Variants in PXK observed in about 807,000 individuals in gnomAD.
PXK encodes the protein PX domain-containing protein kinase-like protein.
Under a neutral mutation model 84.7 loss-of-function variants are expected in PXK, and 35 were observed. That is an observed-to-expected ratio of 0.41 (90% CI 0.32 to 0.55). PXK has a LOEUF of 0.55. Ranked by LOEUF, PXK falls within the 20% of genes least tolerant of loss-of-function variation. The pLI is 0.21. For synonymous variants in PXK, 253 were observed against 260.8 expected, an observed-to-expected ratio of 0.97 and a Z score of 0.29; for missense variants, 634 against 699.7, an observed-to-expected ratio of 0.91 and a Z score of 1.06.
At chr3:58,389,677 C>CA (rs1553789286) in intron 4 of PXK, among the ~76,000 whole-genome samples, 124 of 53,336 alleles carry the variant, frequency 2.3e-3, no homozygotes, top group South Asian at 0.017. Flanking sequence ...CAAAAACAAA[C>CA]AAAAAAAAAA....
At chr3:58,357,413 A>G (rs986665040) in intron 1 of PXK, among the ~76,000 whole-genome samples, 13 of 152,286 alleles carry the variant, frequency 8.5e-5, no homozygotes, top group African/African-American at 3.1e-4. Flanking sequence ...AATAACACAC[A>G]TGGAGCTCTC....
intron 1 of PXK, among the ~76,000 whole-genome samples, chr3:58,334,719 C>T (rs555719670): frequency 6.6e-6 from 1 of 152,298 alleles, no homozygotes; most frequent in South Asian, 2.1e-4. Context: ...AGGAGGGGCA[C>T]TTCTTCCTCA....
At position 58,407,266 on chromosome 3, in the gene PXK, G is replaced by A. The variant is rs936303774; in HGVS notation, c.1231-1658G>A. ...GCTATCCTAATGGCTGTGAGGTGAT[G>A]TCTCATTGTGGTTTTGATTTACATT... On this transcript the variant is annotated intron_variant, in intron 13 of 17. Transcript: ENST00000356151. This position sits in a 1 kb window ranked among gnomAD's most constrained non-coding sequence, Gnocchi z 4.3. Among the ~76,000 whole-genome samples the A allele has an allele frequency of 1.3e-5, 2 of 152,154 alleles. No individual in the cohort carries two copies. Among genetic ancestry groups the A allele is most frequent in the South Asian group, 2.1e-4 (1 of 4,828 alleles).
At position 58,410,134 on chromosome 3, in the gene PXK, G is replaced by A. The variant is rs771832106; in HGVS notation, c.1440G>A (p.Ala480=). ...TTGAAAATAGTGAAGAGCATTCAGC[G>A]AAGTACAGCAACTCCAATAATTCAG... ...SALENSEEHS[A]KYSNSNNSAG... is the part of the protein sequence containing the mutation. The change falls in exon 16 of 18, where the codon GCG becomes GCA. Residue 480 remains alanine, a synonymous_variant. Transcript: ENST00000356151. 241 of 1,600,710 alleles carry A rather than the reference G, an allele frequency of 1.5e-4. 1 individual carries two copies. Among genetic ancestry groups the A allele is most frequent in the Non-Finnish European group, 2.0e-4 (232 of 1,167,846 alleles).
intron 4 of PXK, among the ~76,000 whole-genome samples, chr3:58,389,769 G>A (rs1375396247): frequency 6.6e-6 from 1 of 151,890 alleles, no homozygotes; most frequent in Non-Finnish European, 1.5e-5. Context: ...GGAGGCCGAG[G>A]TGGGCGGATC....
chr3:58,349,197 G>C (rs1410990092), intron 1 of PXK, among the ~76,000 whole-genome samples: 1 of 152,090 alleles, frequency 6.6e-6, no homozygotes, highest in Non-Finnish European at 1.5e-5. Flanking sequence ...TTGTACCACT[G>C]CACTCCAGCC....
Position 58,421,919 on chromosome 3 carries a change from G to A in PXK, c.1529-2833G>A, listed in dbSNP as rs981950643. 1.0e-5 allele frequency: 10 copies of A among 985,258 alleles called. No homozygotes were observed. The highest frequency in any genetic ancestry group is 9.4e-5 in the South Asian group (2 of 21,282). 61.0% of individuals were successfully genotyped at this position (985,258 alleles called of 1,614,324 possible). ...GGTATCATAAGTCTAACATGGAATC[G>A]GTCTGCTCTCATATGTGGCCTGGAG... On this transcript the variant is annotated intron_variant, in intron 17 of 17. Coordinates refer to ENST00000356151, the MANE Select transcript of PXK (RefSeq NM_017771.5). The surrounding 1 kb of genome is among the most constrained non-coding windows in gnomAD (Gnocchi z 5.5).
chr3:58,377,625 A>C (rs1184357146), intron 3 of PXK, among the ~76,000 whole-genome samples: 3 of 142,318 alleles, frequency 2.1e-5, no homozygotes, highest in African/African-American at 7.6e-5. Context: ...AAAAAAGAAA[A>C]GAAAGAAAAG....
intron 17 of PXK, chr3:58,420,605 A>C: frequency 1.3e-6 from 2 of 1,535,984 alleles, no homozygotes; most frequent in African/African-American, 2.7e-5. Flanking sequence ...GACTTTAAAG[A>C]TGCTCTGTTT....
intron 1 of PXK, among the ~76,000 whole-genome samples, chr3:58,343,083 G>A (rs929018615): frequency 2.0e-5 from 3 of 152,216 alleles, no homozygotes; most frequent in Non-Finnish European, 2.9e-5. Context: ...GAAGTGAATG[G>A]AGTGTTGGTA....
Position 58,423,510 on chromosome 3 carries a change from T to C in PXK, c.1529-1242T>C, listed in dbSNP as rs578042453. 3.1e-4 allele frequency: 470 copies of C among 1,535,606 alleles called. 6 individuals are homozygous for C. In the South Asian group the frequency reaches 5.0e-3, roughly 16 times the overall value. On this transcript the variant is annotated intron_variant, in intron 17 of 17. Transcript: ENST00000356151. Reference sequence around the variant, plus strand: ...GTAAAGAAAGGTAAGTGATTTTCTATTGTAAGACTTTAACCCATACCTGTC... The same window carrying C: ...GTAAAGAAAGGTAAGTGATTTTCTACTGTAAGACTTTAACCCATACCTGTC...
At chr3:58,395,305 T>A (rs1171591798) in intron 8 of PXK, among the ~76,000 whole-genome samples, 1 of 152,246 alleles carries the variant, frequency 6.6e-6, no homozygotes, top group Non-Finnish European at 1.5e-5. Context: ...TGAGGAAAGG[T>A]TGAACATTTA....
chr3:58,414,434 G>C lies in PXK; in HGVS notation c.1528+1471G>C, dbSNP rs1407666621. 6.6e-6 allele frequency: 1 copy of C among 152,196 alleles called. No individual in the cohort carries two copies. Among genetic ancestry groups the C allele is most frequent in the African/African-American group, 2.4e-5 (1 of 41,438 alleles). 9.4% of individuals were successfully genotyped at this position (152,196 alleles called of 1,614,324 possible). ...TACAATTTATTTGGACTTTTGGGGG[G>C]AATTCTCTAATTTATCTGTGTTTAA... On this transcript the variant is annotated intron_variant, in intron 17 of 17. Coordinates refer to ENST00000356151, the MANE Select transcript of PXK (RefSeq NM_017771.5). The surrounding 1 kb of genome is among the most constrained non-coding windows in gnomAD (Gnocchi z 4.5).
At chr3:58,352,854 G>A (rs994362605) in intron 1 of PXK, among the ~76,000 whole-genome samples, 1 of 152,204 alleles carries the variant, frequency 6.6e-6, no homozygotes, top group Non-Finnish European at 1.5e-5. Flanking sequence ...CCACAGCGGA[G>A]AGTGTAGACT....
Position 58,408,957 on chromosome 3 carries a change from G to T in PXK, c.1264G>T (p.Ala422Ser), listed in dbSNP as rs771688271. 1.3e-6 allele frequency: 2 copies of T among 1,589,962 alleles called. No homozygotes were observed. The highest frequency in any genetic ancestry group is 1.7e-6 in the Non-Finnish European group (2 of 1,158,326). The change falls in exon 14 of 18, where the codon GCC becomes TCC. Residue 422 changes from alanine (A) to serine (S), a missense_variant. Ala to Ser is a moderately conservative substitution (Grantham distance 99, BLOSUM62 1). Coordinates refer to ENST00000356151, the MANE Select transcript of PXK (RefSeq NM_017771.5). Reference sequence around the variant, plus strand: ...AAAGTTAAAAGAGGCATTGAGAATTGCCAAAGAATGTATAGAGAAGAGACT... The same window carrying T: ...AAAGTTAAAAGAGGCATTGAGAATTTCCAAAGAATGTATAGAGAAGAGACT... ...PTKLKEALRIAKECIEKRLIE... is the reference protein window; with the variant it reads ...PTKLKEALRISKECIEKRLIE...
intron 4 of PXK, among the ~76,000 whole-genome samples, chr3:58,382,989 G>C (rs2098518706): frequency 6.6e-6 from 1 of 152,168 alleles, no homozygotes. Context: ...TGACAGAACA[G>C]AGAGTAAGTA....
chr3:58,368,354 A>G (rs777713933), intron 2 of PXK, among the ~76,000 whole-genome samples: 1 of 151,932 alleles, frequency 6.6e-6, no homozygotes, highest in Non-Finnish European at 1.5e-5. Context: ...ACAGAGTCTC[A>G]TTCTGTTGCC....
At chr3:58,358,279 A>G (rs889510851) in intron 1 of PXK, among the ~76,000 whole-genome samples, 3 of 152,168 alleles carry the variant, frequency 2.0e-5, no homozygotes, top group Non-Finnish European at 4.4e-5. Flanking sequence ...TTCCACCAGC[A>G]TCATCTCTTT....
intron 17 of PXK, chr3:58,423,372 G>C (rs891032817): frequency 1.3e-6 from 2 of 1,489,548 alleles, no homozygotes; most frequent in East Asian, 4.9e-5. Flanking sequence ...TCATTTGTCT[G>C]TATTTAGTCT....
Sources: allele counts gnomAD v4.1 joint callset (sites outside exome capture counted in the v4.1 genomes callset), GRCh38; gene constraint gnomAD v4.1.1; non-coding constraint Gnocchi (gnomAD v3.1); transcripts MANE v1.5; gene names NCBI Gene and HGNC (gene_info 2026-07-23, HGNC 2026-07-21).